Variants in NDUFS7 observed in about 807,000 individuals in gnomAD.
NDUFS7 encodes NADH:ubiquinone oxidoreductase core subunit S7, also known as NADH dehydrogenase [ubiquinone] iron-sulfur protein 7, mitochondrial.
Under a neutral mutation model 31.1 loss-of-function variants are expected in NDUFS7, and 11 were observed. That is an observed-to-expected ratio of 0.35 (90% CI 0.22 to 0.59). NDUFS7 has a LOEUF of 0.59. Among genes scored for constraint, NDUFS7 ranks in the 20% least tolerant of loss-of-function variants. NDUFS7 has a pLI of 0.79. For synonymous variants in NDUFS7, 136 were observed against 127.9 expected, an observed-to-expected ratio of 1.06 and a Z score of -0.43; for missense variants, 263 against 324.2, an observed-to-expected ratio of 0.81 and a Z score of 1.45.
chr19:1,394,581 C>CCG lies in NDUFS7; in HGVS notation c.545-806_545-805dup, dbSNP rs1352324915. 8.3e-5 allele frequency: 103 copies of CCG among 1,233,754 alleles called. 1 individual carries two copies. In the South Asian group the frequency reaches 1.4e-3, roughly 16 times the overall value. 76.4% of individuals were successfully genotyped at this position (1,233,754 alleles called of 1,614,324 possible). A position where few individuals can be genotyped will look rare whatever the true frequency, so the allele number is the denominator to read the frequency against. On this transcript the variant is annotated intron_variant, in intron 7 of 7. Coordinates refer to ENST00000233627, the MANE Select transcript of NDUFS7 (RefSeq NM_024407.5). ...GACCGCGCTCCTCCCTCCCTGCGGACCGCGCTCGGCCCTCCCTGGGGACCG... is the reference window on the plus strand; with the variant it reads ...GACCGCGCTCCTCCCTCCCTGCGGACCGCGCGCTCGGCCCTCCCTGGGGACCG...
At chr19:1,394,873 C>T in intron 7 of NDUFS7, 1 of 1,126,264 alleles carries the variant, frequency 8.9e-7, no homozygotes, top group Non-Finnish European at 1.1e-6. Context: ...TTGTTCTGAA[C>T]CTGCGTGGCA....
intron 4 of NDUFS7, chr19:1,390,580 G>C: frequency 1.8e-6 from 1 of 552,512 alleles, no homozygotes; most frequent in South Asian, 2.1e-5. Context: ...AGAGTGGCTG[G>C]AGCCCCCTGT....
At position 1,393,776 on chromosome 19, in the gene NDUFS7, G is replaced by A; in HGVS notation, c.544+446G>A. ...CGTGGGAGGCTTAGTTTGACTGTGAGGTTAGGGTGAATTTGACCATCAGGA... is the reference window on the plus strand; with the variant it reads ...CGTGGGAGGCTTAGTTTGACTGTGAAGTTAGGGTGAATTTGACCATCAGGA... On this transcript the variant is annotated intron_variant, in intron 7 of 7. Coordinates refer to ENST00000233627, the MANE Select transcript of NDUFS7 (RefSeq NM_024407.5). This position sits in a 1 kb window ranked among gnomAD's most constrained non-coding sequence, Gnocchi z 7.3. 1 of 449,508 alleles carries A rather than the reference G, an allele frequency of 2.2e-6. No individual in the cohort carries two copies. The highest frequency in any genetic ancestry group is 2.7e-5 in the South Asian group (1 of 37,664). The allele number at this position is 449,508 out of a possible 1,614,324, so 27.8% of individuals were successfully genotyped here.
chr19:1,389,907 C>CT (rs531607907), intron 4 of NDUFS7: 14,281 of 180,230 alleles, frequency 0.079, 456 homozygotes, highest in East Asian at 0.24. Context: ...CTTTTCTTTT[C>CT]TTTTTTTTTT....
At chr19:1,389,416 C>T (rs1368941678) in intron 4 of NDUFS7, 1 of 459,048 alleles carries the variant, frequency 2.2e-6, no homozygotes, top group African/African-American at 2.0e-5. Context: ...GATGCACACA[C>T]ACCCCTGCGG....
chr19:1,384,101 G>A (rs2082492009), intron 1 of NDUFS7, 159 bp downstream of exon 1: 1 of 775,052 alleles, frequency 1.3e-6, no homozygotes, highest in Admixed American at 3.8e-5. Flanking sequence ...CGCCCGGCTT[G>A]CGATGAACGG....
intron 1 of NDUFS7, 175 bp from the exon 2 acceptor site, chr19:1,387,636 A>T: frequency 3.1e-6 from 2 of 650,290 alleles, no homozygotes; most frequent in East Asian, 2.8e-5. Flanking sequence ...CAAGCAGGGG[A>T]CTAAGACTCT....
At chr19:1,389,318 CAT>C (rs1201262790) in intron 4 of NDUFS7, 3 of 477,302 alleles carry the variant, frequency 6.3e-6, no homozygotes, top group Non-Finnish European at 1.2e-5. Context: ...CATGCACACA[CAT>C]GCACACTCAC....
chr19:1,392,478 C>T (rs978603589), intron 6 of NDUFS7: 13 of 152,494 alleles, frequency 8.5e-5, no homozygotes, highest in African/African-American at 2.7e-4. Context: ...TTCCGAGCCC[C>T]GGTGCCCACA....
chr19:1,390,055 C>G (rs955312181), intron 4 of NDUFS7: 22 of 154,766 alleles, frequency 1.4e-4, no homozygotes, highest in African/African-American at 5.3e-4. Flanking sequence ...CCACCACGCC[C>G]GGCTAATTTT....
At chr19:1,389,480 T>C (rs1320258330) in intron 4 of NDUFS7, 3 of 457,428 alleles carry the variant, frequency 6.6e-6, no homozygotes, top group Non-Finnish European at 1.3e-5. Flanking sequence ...TGGTGGCCTG[T>C]GGTTCCATCT....
intron 4 of NDUFS7, 76 bp from the exon 5 acceptor site, chr19:1,390,795 G>C: frequency 1.3e-6 from 2 of 1,514,932 alleles, no homozygotes; most frequent in Non-Finnish European, 1.8e-6. Context: ...GGGGTTCTGG[G>C]TGCTCCACGT....
intron 1 of NDUFS7, chr19:1,387,148 G>T: frequency 6.4e-6 from 1 of 155,662 alleles, no homozygotes; most frequent in Non-Finnish European, 1.4e-5. Flanking sequence ...TCCCCGCTTA[G>T]CGGACTGCAG....
chr19:1,391,375 C>A (rs186218908), intron 6 of NDUFS7, among the ~76,000 whole-genome samples: 1 of 152,164 alleles, frequency 6.6e-6, no homozygotes, highest in South Asian at 2.1e-4. Context: ...CACCCCCACG[C>A]AGCAGACCCC....
chr19:1,393,655 C>T lies in NDUFS7; in HGVS notation c.544+325C>T, dbSNP rs1037571356. ...GTTAGAAATACCAAGCGAGAAGGTT[C>T]CTGGGGGCCAAGGACACTGTCCCGC... On this transcript the variant is annotated intron_variant, in intron 7 of 7. Transcript: ENST00000233627. The surrounding 1 kb of genome is among the most constrained non-coding windows in gnomAD (Gnocchi z 7.3). The T allele has an allele frequency of 1.2e-5, 7 of 594,658 alleles. No homozygotes were observed. Among genetic ancestry groups the T allele is most frequent in the African/African-American group, 1.1e-4 (6 of 53,734 alleles). 36.8% of individuals were successfully genotyped at this position (594,658 alleles called of 1,614,324 possible).
intron 1 of NDUFS7, among the ~76,000 whole-genome samples, chr19:1,385,137 A>G (rs924634605): frequency 2.0e-5 from 3 of 152,224 alleles, no homozygotes; most frequent in African/African-American, 4.8e-5. Context: ...CTAATTTTCC[A>G]TAAGATGCTG....
intron 3 of NDUFS7, 54 bp from the exon 4 acceptor site, chr19:1,388,779 C>T (rs1223562271): frequency 6.5e-7 from 1 of 1,538,946 alleles, no homozygotes; most frequent in African/African-American, 1.4e-5. Flanking sequence ...GCATCCGCCT[C>T]TGGGAAGCAC....
intron 2 of NDUFS7, 67 bp downstream of exon 2, chr19:1,387,914 G>GGGGGGGGGGGGGGGGGGGGGGGGCA: frequency 2.5e-6 from 1 of 405,756 alleles, no homozygotes; most frequent in Non-Finnish European, 4.9e-6. Context: ...AACGGGGCGG[G>GGGGGGGGGGGGGGGGGGGGGGGGCA]GGGGGTGGGG....
At chr19:1,395,018 C>T in intron 7 of NDUFS7, 2 of 1,154,744 alleles carry the variant, frequency 1.7e-6, no homozygotes, top group Non-Finnish European at 2.1e-6. Flanking sequence ...CATCTCCGTC[C>T]AGGGCAGCCC....
Sources: allele counts gnomAD v4.1 joint callset (sites outside exome capture counted in the v4.1 genomes callset), GRCh38; gene constraint gnomAD v4.1.1; non-coding constraint Gnocchi (gnomAD v3.1); transcripts MANE v1.5; gene names NCBI Gene and HGNC (gene_info 2026-07-23, HGNC 2026-07-21).